The following HMGXB3 variants were observed in gnomAD, a reference collection of about 807,000 sequenced individuals.
The protein encoded by HMGXB3 is HMG domain-containing protein 3.
A neutral mutation model predicts 121.5 loss-of-function variants in HMGXB3; 45 were observed. The ratio of observed to expected loss-of-function variants is 0.37; its 90% confidence interval spans 0.29 to 0.47. The LOEUF (loss-of-function observed/expected upper bound fraction) is 0.47. Ranked by LOEUF, HMGXB3 falls within the 20% of genes least tolerant of loss-of-function variation. HMGXB3 has a pLI of 0.99. For missense variants in HMGXB3, 1,376 were observed against 1,602.2 expected (o/e 0.86, Z 2.41); for synonymous variants, 590 against 624.1 (o/e 0.95, Z 0.81).
intron 13 of HMGXB3, among the ~76,000 whole-genome samples, chr5:150,038,662 G>A (rs1246723374): frequency 1.3e-5 from 2 of 152,144 alleles, no homozygotes; most frequent in Non-Finnish European, 2.9e-5. Context: ...TCCATATAGT[G>A]TTCTCTTTCC....
intron 6 of HMGXB3, chr5:150,021,920 T>C: frequency 2.0e-6 from 1 of 496,476 alleles, no homozygotes; most frequent in South Asian, 1.5e-5. Context: ...TTTAAAAGCC[T>C]TGGCTGCAGC....
intron 1 of HMGXB3, among the ~76,000 whole-genome samples, chr5:150,002,307 A>G (rs1755591448): frequency 6.6e-6 from 1 of 152,154 alleles, no homozygotes; most frequent in Admixed American, 6.5e-5. Context: ...CCTCCAAAAG[A>G]CTAGGAGCCA....
At position 150,052,055 on chromosome 5, in the gene HMGXB3, A is replaced by C; in HGVS notation, c.3742A>C (p.Ile1248Leu). 1 of 1,551,964 alleles carries C rather than the reference A, an allele frequency of 6.4e-7. No individual in the cohort carries two copies. Reference sequence around the variant, plus strand: ...CAGCCGCGAAATTGTCAATCGTCAGATCCATGACATTGTACAGAGCTGCCA... The same window carrying C: ...CAGCCGCGAAATTGTCAATCGTCAGCTCCATGACATTGTACAGAGCTGCCA... ...LTSREIVNRQ[I>L]HDIVQSCQPG... The change falls in exon 20 of 20, where the codon ATC (isoleucine) becomes CTC (leucine). Residue 1248 changes from isoleucine to leucine, a missense_variant. Physicochemically the swap from Ile to Leu is conservative, Grantham distance 5. Coordinates refer to ENST00000502717, the MANE Select transcript of HMGXB3 (RefSeq NM_014983.3).
intron 3 of HMGXB3, among the ~76,000 whole-genome samples, chr5:150,007,798 T>G (rs1434807086): frequency 6.6e-6 from 1 of 152,132 alleles, no homozygotes; most frequent in East Asian, 1.9e-4. Context: ...CTCATGCCCG[T>G]AATCCCAGCA....
At chr5:150,038,129 T>C (rs984399299) in intron 13 of HMGXB3, among the ~76,000 whole-genome samples, 8 of 152,244 alleles carry the variant, frequency 5.3e-5, no homozygotes, top group African/African-American at 1.9e-4. Context: ...GTGGAATTGC[T>C]GCACATTTAC....
At chr5:150,035,995 A>G (rs12519384) in intron 11 of HMGXB3, among the ~76,000 whole-genome samples, 39,739 of 152,146 alleles carry the variant, frequency 0.26, 8,670 homozygotes, top group African/African-American at 0.59. Context: ...CTTAATCTGT[A>G]TAATGGCTCT....
At chr5:150,028,005 G>A (rs956042193) in intron 9 of HMGXB3, among the ~76,000 whole-genome samples, 2 of 152,172 alleles carry the variant, frequency 1.3e-5, no homozygotes, top group Admixed American at 1.3e-4. Flanking sequence ...TTGAGGACAT[G>A]CACCTGGGAC....
rs763219836 is a variant in HMGXB3, at chr5:150,050,477, A to T, written c.3411+16A>T. The T allele has an allele frequency of 1.3e-5, 20 of 1,532,274 alleles. No homozygotes were observed. 94.9% of individuals were successfully genotyped at this position (1,532,274 alleles called of 1,614,324 possible). ...GCCACCTGTGGTGAGTCACCTCCTG[A>T]GGAACTGCCATGTCTCCTCAAGCCT... is the stretch of plus-strand genomic sequence containing the variant. On this transcript the variant is annotated intron_variant, in intron 19 of 19. Coordinates refer to ENST00000502717, the MANE Select transcript of HMGXB3 (RefSeq NM_014983.3).
intron 6 of HMGXB3, among the ~76,000 whole-genome samples, chr5:150,022,251 C>A (rs1229479148): frequency 6.6e-6 from 1 of 152,160 alleles, no homozygotes; most frequent in Non-Finnish European, 1.5e-5. Flanking sequence ...TAATTTGTCT[C>A]TAAAAGCTCC....
At chr5:150,006,999 T>C (rs1353571393) in intron 3 of HMGXB3, among the ~76,000 whole-genome samples, 1 of 152,246 alleles carries the variant, frequency 6.6e-6, no homozygotes, top group Non-Finnish European at 1.5e-5. Flanking sequence ...TCCTACGCCA[T>C]GAGTTTTCAT....
intron 4 of HMGXB3, among the ~76,000 whole-genome samples, chr5:150,011,019 C>T (rs983158660): frequency 2.0e-5 from 3 of 152,176 alleles, no homozygotes; most frequent in African/African-American, 7.2e-5. Context: ...TCTTGCATTC[C>T]TGGGCTTAAG....
intron 13 of HMGXB3, among the ~76,000 whole-genome samples, chr5:150,038,176 T>G (rs1756542343): frequency 6.6e-6 from 1 of 152,242 alleles, no homozygotes; most frequent in Non-Finnish European, 1.5e-5. Context: ...ATCAGGCATT[T>G]GTGGAACACT....
chr5:150,030,221 C>T (rs142267005), intron 9 of HMGXB3: 1 of 152,032 alleles, frequency 6.6e-6, no homozygotes, highest in Non-Finnish European at 1.5e-5. Context: ...TGCCTGTAAT[C>T]CCAGCACTTT....
At position 150,040,814 on chromosome 5, in the gene HMGXB3, T is replaced by A; in HGVS notation, c.2480T>A (p.Ile827Asn). 1 of 1,551,960 alleles carries A rather than the reference T, an allele frequency of 6.4e-7. No homozygotes were observed. The highest frequency in any genetic ancestry group is 8.7e-7 in the Non-Finnish European group (1 of 1,147,034). The change falls in exon 14 of 20, where the codon ATC becomes AAC. Residue 827 changes from isoleucine to asparagine, a missense_variant. Transcript: ENST00000502717. The stretch of plus-strand genomic sequence containing the variant: ...TTGCTTTTTGCAATCAGAAATCAGA[T>A]CAAGCTCGGAGAGGACCCCAGAGTG... ...LDLLFAIRNQIKLGEDPRVSI... is the reference protein window; with the variant it reads ...LDLLFAIRNQNKLGEDPRVSI...
At chr5:150,026,079 CT>C (rs1392847929) in intron 7 of HMGXB3, among the ~76,000 whole-genome samples, 2 of 152,314 alleles carry the variant, frequency 1.3e-5, no homozygotes, top group East Asian at 3.9e-4. Context: ...ATCCACCCGC[CT>C]TGGCCTCCCA....
chr5:150,032,396 G>A, intron 10 of HMGXB3, 58 bp from the exon 11 acceptor site: 2 of 1,499,060 alleles, frequency 1.3e-6, no homozygotes, highest in African/African-American at 2.8e-5. Flanking sequence ...CTGGTTCTGG[G>A]TTCTGCCCAG....
chr5:150,047,828 G>A, intron 17 of HMGXB3, 71 bp downstream of exon 17: 2 of 1,494,962 alleles, frequency 1.3e-6, no homozygotes, highest in Admixed American at 2.0e-5. Flanking sequence ...TTTAGGTCAG[G>A]GATATGAATA....
chr5:150,048,559 T>C lies in HMGXB3; in HGVS notation c.3085-10T>C, dbSNP rs1018751023. The stretch of plus-strand genomic sequence containing the variant: ...GCCCTTATGTTTTTAATCTTGTCCT[T>C]CTACTCCAGGACCAGCTCTGCTTCT... On this transcript the variant is annotated splice_polypyrimidine_tract_variant and intron_variant, in intron 17 of 19. Transcript: ENST00000502717. The C allele has an allele frequency of 6.5e-7, 1 of 1,536,198 alleles. No individual in the cohort carries two copies. The highest frequency in any genetic ancestry group is 8.8e-7 in the Non-Finnish European group (1 of 1,132,574).
At chr5:150,013,940 A>G (rs889075133) in intron 5 of HMGXB3, among the ~76,000 whole-genome samples, 6 of 152,176 alleles carry the variant, frequency 3.9e-5, no homozygotes, top group Admixed American at 6.5e-5. Flanking sequence ...GGTTAAGGCC[A>G]CTCTCTCCAG....
Sources: gnomAD v4.1 joint callset for allele counts (sites outside exome capture counted in the v4.1 genomes callset) on GRCh38, gnomAD v4.1.1 for gene constraint, MANE v1.5 for transcripts, NCBI Gene and HGNC (gene_info 2026-07-23, HGNC 2026-07-21) for gene names.